UBAC2: variants seen among roughly 807,000 people sequenced by gnomAD.
The protein encoded by UBAC2 is UBA domain containing 2.
Under a neutral mutation model 44.0 loss-of-function variants are expected in UBAC2, and 26 were observed. That is an observed-to-expected ratio of 0.59 (90% confidence interval 0.43 to 0.82). The LOEUF (loss-of-function observed/expected upper bound fraction) is 0.82, where lower values mean the gene tolerates loss of function less well. Ranked by LOEUF, UBAC2 falls within the 40% of genes least tolerant of loss-of-function variation. The probability of loss-of-function intolerance (pLI) is 0.00; values close to 1 mark genes in which losing one functional copy is unlikely to be tolerated. For missense variants in UBAC2, 329 were observed against 419.4 expected, an observed-to-expected ratio of 0.78 and a Z score of 1.88; for synonymous variants, 155 against 154.3, an observed-to-expected ratio of 1.00 and a Z score of -0.04.
intron 4 of UBAC2, among the ~76,000 whole-genome samples, chr13:99,311,359 G>A (rs1820679022): frequency 6.6e-6 from 1 of 152,172 alleles, no homozygotes; most frequent in African/African-American, 2.4e-5. Context: ...GTCCTGCGGA[G>A]CACAGGATCA....
intron 4 of UBAC2, among the ~76,000 whole-genome samples, chr13:99,284,363 C>T (rs1190752563): frequency 1.3e-5 from 2 of 152,196 alleles, no homozygotes. Flanking sequence ...TTTTCAGTAG[C>T]TACCAAATGC....
chr13:99,297,038 C>T (rs940455530), intron 4 of UBAC2, among the ~76,000 whole-genome samples: 4 of 152,160 alleles, frequency 2.6e-5, no homozygotes, highest in Non-Finnish European at 4.4e-5. Flanking sequence ...TTTATATAAA[C>T]ATTTGATAGA....
intron 4 of UBAC2, among the ~76,000 whole-genome samples, chr13:99,263,686 A>G (rs917428970): frequency 5.3e-5 from 8 of 152,262 alleles, no homozygotes; most frequent in Non-Finnish European, 7.3e-5. Context: ...GACATGGACA[A>G]GAATGTTCAC....
At chr13:99,201,373 A>G (rs1341611450) in intron 1 of UBAC2, 2 of 1,586,746 alleles carry the variant, frequency 1.3e-6, no homozygotes, top group South Asian at 1.1e-5. Flanking sequence ...TGCAAAGTTC[A>G]GCCTCCGCTT....
intron 8 of UBAC2, among the ~76,000 whole-genome samples, chr13:99,370,763 A>G (rs2045395261): frequency 6.6e-6 from 1 of 152,140 alleles, no homozygotes; most frequent in Non-Finnish European, 1.5e-5. Context: ...CCCGCTTGCC[A>G]CTTCTCCACT....
chr13:99,260,970 A>T (rs541892442), intron 4 of UBAC2, among the ~76,000 whole-genome samples: 4 of 152,344 alleles, frequency 2.6e-5, no homozygotes, highest in Non-Finnish European at 5.9e-5. Flanking sequence ...TTTTGAGTGA[A>T]TATAATTCAG....
intron 6 of UBAC2, among the ~76,000 whole-genome samples, chr13:99,318,862 G>C (rs1253088741): frequency 6.8e-6 from 1 of 146,442 alleles, no homozygotes; most frequent in Non-Finnish European, 1.5e-5. Flanking sequence ...AGGGAAAATT[G>C]AGACAAAGGA....
intron 6 of UBAC2, among the ~76,000 whole-genome samples, chr13:99,324,145 A>G (rs1369519758): frequency 1.3e-5 from 2 of 152,228 alleles, no homozygotes; most frequent in African/African-American, 4.8e-5. Flanking sequence ...TAACAAACAC[A>G]CAGCACTTAG....
At chr13:99,268,342 G>A (rs72648094) in intron 4 of UBAC2, among the ~76,000 whole-genome samples, 38,298 of 152,076 alleles carry the variant, frequency 0.25, 6,036 homozygotes, top group Non-Finnish European at 0.35. Context: ...GCCAGGCATG[G>A]TGGCTCTCAC....
chr13:99,345,220 A>G (rs1348973145), intron 7 of UBAC2, among the ~76,000 whole-genome samples: 1 of 152,212 alleles, frequency 6.6e-6, no homozygotes, highest in Admixed American at 6.5e-5. Flanking sequence ...GAAATGATAT[A>G]GTAACTGATA....
At chr13:99,234,943 T>C (rs1450452188) in intron 1 of UBAC2, among the ~76,000 whole-genome samples, 2 of 152,234 alleles carry the variant, frequency 1.3e-5, no homozygotes, top group Non-Finnish European at 2.9e-5. Flanking sequence ...TTTTTTTCTC[T>C]CATATCAGAG....
intron 4 of UBAC2, among the ~76,000 whole-genome samples, chr13:99,248,019 C>T (rs1488751807): frequency 6.6e-6 from 1 of 152,132 alleles, no homozygotes; most frequent in Non-Finnish European, 1.5e-5. Flanking sequence ...CATGAAACCA[C>T]CTGCTCTCTT....
chr13:99,246,158 A>G (rs1263443892), intron 4 of UBAC2, among the ~76,000 whole-genome samples: 1 of 152,220 alleles, frequency 6.6e-6, no homozygotes, highest in Non-Finnish European at 1.5e-5. Flanking sequence ...TGCATTGTTA[A>G]TGTTTACAGT....
intron 1 of UBAC2, among the ~76,000 whole-genome samples, chr13:99,227,657 C>T (rs1343562147): frequency 6.6e-6 from 1 of 152,170 alleles, no homozygotes; most frequent in Non-Finnish European, 1.5e-5. Flanking sequence ...TAATGTATAT[C>T]TACCTTGTTT....
chr13:99,275,688 C>T (rs966663894), intron 4 of UBAC2, among the ~76,000 whole-genome samples: 1 of 152,170 alleles, frequency 6.6e-6, no homozygotes, highest in African/African-American at 2.4e-5. Context: ...TATGTTTCTT[C>T]TGAGTTCCTT....
intron 1 of UBAC2, among the ~76,000 whole-genome samples, chr13:99,226,397 TC>T (rs2043110201): frequency 6.6e-6 from 1 of 152,000 alleles, no homozygotes; most frequent in Non-Finnish European, 1.5e-5. Context: ...TATCCCAGTT[TC>T]AACCTCCCTC....
rs747340193 is a variant in UBAC2, at chr13:99,318,325, G to A, written c.561+256G>A. On this transcript the variant is annotated intron_variant, in intron 6 of 8. Transcript: ENST00000403766. ...TGGGATTACAGGTGTGTGCCACCACGCCTGGATAATTTTGTATTTTTAGTA... is the reference window on the plus strand; with the variant it reads ...TGGGATTACAGGTGTGTGCCACCACACCTGGATAATTTTGTATTTTTAGTA... 1.5e-4 allele frequency among the ~76,000 whole-genome samples: 23 copies of A among 151,764 alleles called. No homozygotes were observed. The East Asian group carries it at 2.4e-3, about 16-fold the overall frequency.
chr13:99,352,802 G>A (rs1434960010), intron 7 of UBAC2, among the ~76,000 whole-genome samples: 1 of 152,216 alleles, frequency 6.6e-6, no homozygotes, highest in Non-Finnish European at 1.5e-5. Flanking sequence ...CACTCTTCTG[G>A]GAGAAATGTG....
At chr13:99,312,063 G>A (rs141220022) in intron 4 of UBAC2, among the ~76,000 whole-genome samples, 35 of 152,358 alleles carry the variant, frequency 2.3e-4, no homozygotes, top group Non-Finnish European at 3.4e-4. Flanking sequence ...CATTTGCTGC[G>A]TTTGTGTTGA....
Sources: gnomAD v4.1 joint callset for allele counts (sites outside exome capture counted in the v4.1 genomes callset) on GRCh38, gnomAD v4.1.1 for gene constraint, MANE v1.5 for transcripts, NCBI Gene and HGNC (gene_info 2026-07-23, HGNC 2026-07-21) for gene names.